CHRNA5: variants seen among roughly 807,000 people sequenced by gnomAD.
CHRNA5 encodes cholinergic receptor nicotinic alpha 5 subunit, also known as neuronal acetylcholine receptor subunit alpha-5.
A neutral mutation model predicts 41.2 loss-of-function variants in CHRNA5; 28 were observed. That is an observed-to-expected ratio of 0.68 (90% confidence interval 0.50 to 0.93). CHRNA5 has a LOEUF of 0.93. Among genes scored for constraint, CHRNA5 ranks in the 40% least tolerant of loss-of-function variants. The pLI is 0.00. For synonymous variants in CHRNA5, 188 were observed against 205.8 expected (o/e 0.91, Z 0.74); for missense variants, 481 against 581.9 (o/e 0.83, Z 1.78).
At chr15:78,583,407 C>G (rs943800938) in intron 2 of CHRNA5, among the ~76,000 whole-genome samples, 2 of 152,094 alleles carry the variant, frequency 1.3e-5, no homozygotes, top group African/African-American at 4.8e-5. Flanking sequence ...TTGAAAAATA[C>G]TGTCGGCCGG....
rs534380208 is a variant in CHRNA5, at chr15:78,579,331, G to A, written c.107-1480G>A. Among the ~76,000 whole-genome samples the A allele has an allele frequency of 5.3e-5, 8 of 152,280 alleles. No homozygotes were observed. In the South Asian group the frequency reaches 1.7e-3, roughly 32 times the overall value. On this transcript the variant is annotated intron_variant, in intron 1 of 5. Transcript: ENST00000299565. ...TGCAGTGGCACAATCTCGGCTCACT[G>A]CAACCTCTGTCTCCCGGGCTCAAGC...
intron 5 of CHRNA5, 74 bp downstream of exon 5, chr15:78,590,710 A>G (rs1354799847): frequency 1.3e-5 from 16 of 1,246,066 alleles, no homozygotes; most frequent in Non-Finnish European, 1.7e-5. Flanking sequence ...TAATTTTGGC[A>G]GAGTAAACAG....
intron 5 of CHRNA5, 62 bp downstream of exon 5, chr15:78,590,698 A>T: frequency 7.0e-7 from 1 of 1,437,502 alleles, no homozygotes. Context: ...AGTTACTTTC[A>T]TTAATTTTGG....
intron 1 of CHRNA5, among the ~76,000 whole-genome samples, chr15:78,574,865 C>T (rs564812858): frequency 4.6e-5 from 7 of 151,220 alleles, no homozygotes; most frequent in Admixed American, 2.6e-4. Flanking sequence ...CCCAGCTACT[C>T]GGGAGGTTGA....
chr15:78,580,841 A>G (rs1401463534), exon 2 of CHRNA5: 2 of 1,613,392 alleles, frequency 1.2e-6, no homozygotes, highest in Non-Finnish European at 1.7e-6. Flanking sequence ...ATTGCAAAAC[A>G]TGAAGATAGT....
chr15:78,592,933 T>C, intron 5 of CHRNA5, 159 bp from the exon 6 acceptor site: 1 of 694,614 alleles, frequency 1.4e-6, no homozygotes, highest in Non-Finnish European at 2.3e-6. Context: ...ACCTTCAGGC[T>C]AGTGTCTGTC....
In CHRNA5 at chr15:78,588,424, G is replaced by A. The variant is rs200616965; in HGVS notation, c.413+1G>A. 48 of 1,383,424 alleles carry A rather than the reference G, an allele frequency of 3.5e-5. No homozygotes were observed. The highest frequency in any genetic ancestry group is 4.5e-5 in the Non-Finnish European group (45 of 1,003,624). 85.7% of individuals were successfully genotyped at this position (1,383,424 alleles called of 1,614,324 possible). On this transcript the variant is annotated splice_donor_variant, in intron 4 of 5. Transcript: ENST00000299565. LOFTEE classifies it high-confidence loss of function. This position sits in a 1 kb window ranked among gnomAD's most constrained non-coding sequence, Gnocchi z 4.1. ...CACCAGACATCGTTTTGTTTGATAAGTAAGTTATATTCTAAATATAGTTTT... is the reference window on the plus strand; with the variant it reads ...CACCAGACATCGTTTTGTTTGATAAATAAGTTATATTCTAAATATAGTTTT...
chr15:78,568,010 T>TTC (rs2052765770), intron 1 of CHRNA5, among the ~76,000 whole-genome samples: 2 of 152,386 alleles, frequency 1.3e-5, no homozygotes, highest in South Asian at 2.1e-4. Flanking sequence ...GATTCTTTGT[T>TTC]TCTCTCTCTT....
At chr15:78,574,430 T>G (rs1028410279) in intron 1 of CHRNA5, among the ~76,000 whole-genome samples, 2 of 151,408 alleles carry the variant, frequency 1.3e-5, no homozygotes, top group Non-Finnish European at 1.5e-5. Flanking sequence ...ACATACTATA[T>G]TTAGTGAAGA....
At chr15:78,586,542 T>C (rs2052963321) in intron 2 of CHRNA5, 103 bp from the exon 3 acceptor site, 1 of 671,294 alleles carries the variant, frequency 1.5e-6, no homozygotes, top group East Asian at 2.8e-5. Flanking sequence ...ATGTGGGTAC[T>C]ATGTGAAGAA....
rs1450514385 is a variant in CHRNA5, at chr15:78,588,903, A to G, written c.413+480A>G. ...TTGAGGATTTTTTTTTTTTTAACTT[A>G]GGGGAGAGGAAAATTCTGGGTACCA... is the stretch of plus-strand genomic sequence containing the variant. On this transcript the variant is annotated intron_variant, in intron 4 of 5. Coordinates refer to ENST00000299565, the Ensembl canonical transcript of CHRNA5. This position sits in a 1 kb window ranked among gnomAD's most constrained non-coding sequence, Gnocchi z 4.1. Among the ~76,000 whole-genome samples, 1 of 146,686 alleles carries G rather than the reference A, an allele frequency of 6.8e-6. No individual in the cohort carries two copies. Among genetic ancestry groups the G allele is most frequent in the Non-Finnish European group, 1.5e-5 (1 of 66,904 alleles).
At chr15:78,572,318 CATT>C (rs2052813312) in intron 1 of CHRNA5, among the ~76,000 whole-genome samples, 1 of 152,080 alleles carries the variant, frequency 6.6e-6, no homozygotes, top group African/African-American at 2.4e-5. Flanking sequence ...CCCATTGTAA[CATT>C]ATTAGAAATA....
At chr15:78,579,749 A>G (rs901512458) in intron 1 of CHRNA5, among the ~76,000 whole-genome samples, 2 of 152,096 alleles carry the variant, frequency 1.3e-5, no homozygotes, top group Admixed American at 1.3e-4. Context: ...TCCAACACTC[A>G]GTTCTCAGCT....
At chr15:78,577,219 T>C (rs563506890) in intron 1 of CHRNA5, among the ~76,000 whole-genome samples, 1 of 152,302 alleles carries the variant, frequency 6.6e-6, no homozygotes, top group East Asian at 1.9e-4. Context: ...TTATGAACTC[T>C]GTAGCAGCAA....
intron 2 of CHRNA5, among the ~76,000 whole-genome samples, chr15:78,581,715 T>C (rs914137723): frequency 2.0e-5 from 3 of 152,176 alleles, no homozygotes; most frequent in African/African-American, 7.2e-5. Context: ...AAAAAGTGAC[T>C]GTAATTCTAC....
At chr15:78,569,860 G>A (rs1157618972) in intron 1 of CHRNA5, among the ~76,000 whole-genome samples, 4 of 151,434 alleles carry the variant, frequency 2.6e-5, no homozygotes, top group Non-Finnish European at 5.9e-5. Flanking sequence ...TCACTCTGTC[G>A]CCCAGGCTGG....
At chr15:78,580,875 C>G in exon 2 of CHRNA5, 1 of 1,613,492 alleles carries the variant, frequency 6.2e-7, no homozygotes, top group Non-Finnish European at 8.5e-7. Flanking sequence ...TATTTCAAGA[C>G]TACGAAAGAT....
Position 78,590,562 on chromosome 15 carries a change from AAC to A in CHRNA5, c.1175_1176del (p.Thr392IlefsTer20), listed in dbSNP as rs1282913176. On this transcript the variant is annotated frameshift_variant, in exon 5 of 6. Coordinates refer to ENST00000299565, the Ensembl canonical transcript of CHRNA5. LOFTEE classifies it high-confidence loss of function. ...TGGTAGTGGACCAAAATCTTCTAGA[AAC>A]ACATTGGAAGCTGCGCTCGATTCTA... is the stretch of plus-strand genomic sequence containing the variant. 2 of 1,614,094 alleles carry A rather than the reference AAC, an allele frequency of 1.2e-6. No individual in the cohort carries two copies. The highest frequency in any genetic ancestry group is 1.3e-5 in the African/African-American group (1 of 74,940).
chr15:78,582,299 A>T (rs992459517), intron 2 of CHRNA5, among the ~76,000 whole-genome samples: 1 of 152,132 alleles, frequency 6.6e-6, no homozygotes, highest in Admixed American at 6.6e-5. Flanking sequence ...CAGCCTGGCC[A>T]ATATAGCAAA....
Sources: gnomAD v4.1 joint callset for allele counts (sites outside exome capture counted in the v4.1 genomes callset) on GRCh38, gnomAD v4.1.1 for gene constraint, Gnocchi (gnomAD v3.1) non-coding constraint, MANE v1.5 for transcripts, NCBI Gene and HGNC (gene_info 2026-07-23, HGNC 2026-07-21) for gene names.